Variants in MAGI1 observed in about 807,000 individuals in gnomAD.
MAGI1 encodes the protein membrane-associated guanylate kinase, WW and PDZ domain-containing protein 1.
A neutral mutation model predicts 139.9 loss-of-function variants in MAGI1; 58 were observed. That is an observed-to-expected ratio of 0.41 (90% confidence interval 0.34 to 0.52). The LOEUF (loss-of-function observed/expected upper bound fraction) is 0.52, where lower values mean the gene tolerates loss of function less well. MAGI1 is among the 20% of genes least tolerant of loss of function. The pLI, the probability that MAGI1 is intolerant of heterozygous loss-of-function variation, is 0.12. For missense variants in MAGI1, 1,874 were observed against 1,901.6 expected, an observed-to-expected ratio of 0.99 and a Z score of 0.27; for synonymous variants, 812 against 737.9, an observed-to-expected ratio of 1.10 and a Z score of -1.63.
chr3:65,510,999 TC>T (rs2077558691), intron 2 of MAGI1, among the ~76,000 whole-genome samples: 1 of 146,284 alleles, frequency 6.8e-6, no homozygotes, highest in Non-Finnish European at 1.5e-5. Context: ...GGGCCAATAT[TC>T]AACATTCTTA....
chr3:65,421,101 A>T (rs1946605536), intron 12 of MAGI1, among the ~76,000 whole-genome samples: 1 of 152,236 alleles, frequency 6.6e-6, no homozygotes, highest in African/African-American at 2.4e-5. Flanking sequence ...GAATCAAAAT[A>T]GAAACATTTT....
At chr3:65,622,178 G>C in intron 1 of MAGI1, 90 bp from the exon 2 acceptor site, 1 of 924,190 alleles carries the variant, frequency 1.1e-6, no homozygotes, top group South Asian at 1.3e-5. Context: ...GAAAGCCACA[G>C]GATGCAGTTC....
rs566153795 is a variant in MAGI1 at position 65,557,533 on chromosome 3, C to T, written c.431-63902G>A. On this transcript the variant is annotated intron_variant, in intron 2 of 22. Transcript: ENST00000402939. ...AACTGTGTGAGATCATTAAATATATCGTTTTAGCTTTCTCAGTAAGCAATT... is the reference window on the plus strand; with the variant it reads ...AACTGTGTGAGATCATTAAATATATTGTTTTAGCTTTCTCAGTAAGCAATT... Among the ~76,000 whole-genome samples the T allele has an allele frequency of 5.3e-5, 8 of 152,278 alleles. No individual in the cohort carries two copies. The East Asian group carries it at 9.7e-4, about 18-fold the overall frequency.
Position 65,950,508 on chromosome 3 carries a change from A to G in MAGI1, c.313+87488T>C, listed in dbSNP as rs374143537. Among the ~76,000 whole-genome samples the G allele has an allele frequency of 2.1e-4, 32 of 152,300 alleles. No homozygotes were observed. In the East Asian group the frequency reaches 3.1e-3, roughly 15 times the overall value. ...ATGAAAAACTAATTTAAAAGATTAAAATGTGCCCTGCAGCTCACCCTCTCT... is the reference window on the plus strand; with the variant it reads ...ATGAAAAACTAATTTAAAAGATTAAGATGTGCCCTGCAGCTCACCCTCTCT... On this transcript the variant is annotated intron_variant, in intron 1 of 22. Coordinates refer to ENST00000402939, the MANE Select transcript of MAGI1 (RefSeq NM_001033057.2).
At chr3:65,988,157 T>C (rs753624443) in intron 1 of MAGI1, among the ~76,000 whole-genome samples, 86 of 152,176 alleles carry the variant, frequency 5.7e-4, no homozygotes, top group Non-Finnish European at 6.9e-4. Context: ...ACAAAGTCAG[T>C]AAGTACCAGG....
At position 65,611,423 on chromosome 3, in the gene MAGI1, A is replaced by T. The variant is rs1039229831; in HGVS notation, c.430+10549T>A. On this transcript the variant is annotated intron_variant, in intron 2 of 22. Transcript: ENST00000402939. ...GTATATACATATATAGTATGTATGT[A>T]TACTGTATATACAGTATATATAGTA... 1.4e-5 allele frequency among the ~76,000 whole-genome samples: 2 copies of T among 145,202 alleles called. 1 individual carries two copies. Among genetic ancestry groups the T allele is most frequent in the South Asian group, 4.3e-4 (2 of 4,692 alleles).
intron 1 of MAGI1, among the ~76,000 whole-genome samples, chr3:65,775,799 T>G (rs748481806): frequency 1.3e-5 from 2 of 151,904 alleles, no homozygotes; most frequent in Non-Finnish European, 2.9e-5. Context: ...AAAAATTAGC[T>G]GGACATGGTG....
chr3:65,875,869 A>G (rs747160140), intron 1 of MAGI1, among the ~76,000 whole-genome samples: 1 of 152,164 alleles, frequency 6.6e-6, no homozygotes, highest in Non-Finnish European at 1.5e-5. Context: ...TGTTATCCTC[A>G]TTGCACAGAT....
chr3:65,678,027 A>G (rs1313519697), intron 1 of MAGI1, among the ~76,000 whole-genome samples: 1 of 152,242 alleles, frequency 6.6e-6, no homozygotes, highest in African/African-American at 2.4e-5. Flanking sequence ...TTGCAGGGAC[A>G]TGGATGAAGC....
intron 2 of MAGI1, among the ~76,000 whole-genome samples, chr3:65,496,167 G>A (rs1009001602): frequency 2.0e-5 from 3 of 151,646 alleles, no homozygotes; most frequent in African/African-American, 7.3e-5. Flanking sequence ...TCAGCCTCCT[G>A]AGTAGTTAGG....
At chr3:65,847,050 T>C (rs1209387664) in intron 1 of MAGI1, among the ~76,000 whole-genome samples, 5 of 148,980 alleles carry the variant, frequency 3.4e-5, no homozygotes, top group Non-Finnish European at 7.4e-5. Flanking sequence ...CTAAACCAAA[T>C]TTTTACTACC....
chr3:65,519,392 A>G (rs2078050464), intron 2 of MAGI1, among the ~76,000 whole-genome samples: 1 of 143,294 alleles, frequency 7.0e-6, no homozygotes, highest in African/African-American at 2.6e-5. Flanking sequence ...ACACATATAT[A>G]TAATTTTTTT....
chr3:65,535,329 C>G (rs2078911811), intron 2 of MAGI1, among the ~76,000 whole-genome samples: 1 of 152,186 alleles, frequency 6.6e-6, no homozygotes, highest in Non-Finnish European at 1.5e-5. Flanking sequence ...ACCTCACTCT[C>G]CTTGTCTCTA....
intron 22 of MAGI1, chr3:65,359,406 A>C: frequency 1.6e-6 from 2 of 1,261,300 alleles, no homozygotes; most frequent in Non-Finnish European, 2.0e-6. Context: ...CCAGACAACG[A>C]ATGCATCCTT....
At chr3:65,901,605 T>A (rs1044980982) in intron 1 of MAGI1, among the ~76,000 whole-genome samples, 2 of 152,164 alleles carry the variant, frequency 1.3e-5, no homozygotes, top group Non-Finnish European at 2.9e-5. Flanking sequence ...AACGGCAAGG[T>A]TTTTTCCCTA....
chr3:65,604,599 G>A (rs1249350101), intron 2 of MAGI1, among the ~76,000 whole-genome samples: 2 of 152,056 alleles, frequency 1.3e-5, no homozygotes, highest in African/African-American at 4.8e-5. Context: ...AGAGATGGGG[G>A]TTTTCCTTAT....
intron 1 of MAGI1, among the ~76,000 whole-genome samples, chr3:65,675,542 G>A (rs1364416351): frequency 2.6e-5 from 4 of 152,038 alleles, no homozygotes; most frequent in Admixed American, 1.3e-4. Flanking sequence ...TTCACAAAAC[G>A]GGGCAGCACA....
rs759421691 is a variant in MAGI1, at chr3:65,383,512, G to C, written c.2508+20C>G. The C allele has an allele frequency of 3.8e-6, 6 of 1,578,474 alleles. No homozygotes were observed. The highest frequency in any genetic ancestry group is 3.3e-5 in the South Asian group (3 of 90,210). On this transcript the variant is annotated intron_variant, in intron 15 of 22. Coordinates refer to ENST00000402939, the MANE Select transcript of MAGI1 (RefSeq NM_001033057.2). ...GCCTTAGAAAAATATGCTGGGAAGA[G>C]AGACAAGCAAAAGACTCACAGGTTC...
At chr3:65,725,034 ATC>A (rs1043076849) in intron 1 of MAGI1, among the ~76,000 whole-genome samples, 1 of 152,210 alleles carries the variant, frequency 6.6e-6, no homozygotes, top group Non-Finnish European at 1.5e-5. Context: ...CCCAGCTGAA[ATC>A]TCTCTATTTC....
Sources: gnomAD v4.1 joint callset for allele counts (sites outside exome capture counted in the v4.1 genomes callset) on GRCh38, gnomAD v4.1.1 for gene constraint, MANE v1.5 for transcripts, NCBI Gene and HGNC (gene_info 2026-07-23, HGNC 2026-07-21) for gene names.